Variants in PMPCB observed in about 807,000 individuals in gnomAD.
The protein encoded by PMPCB is mitochondrial-processing peptidase subunit beta.
In PMPCB, 46 loss-of-function variants were observed where a neutral mutation model predicts 61.5. The observed-to-expected ratio is 0.75, with a 90% CI of 0.59 to 0.96. The LOEUF (loss-of-function observed/expected upper bound fraction) is 0.96. Among genes scored for constraint, PMPCB ranks in the 40% least tolerant of loss-of-function variants. The probability of loss-of-function intolerance (pLI) is 0.00; values close to 1 mark genes in which losing one functional copy is unlikely to be tolerated. For synonymous variants in PMPCB, 191 were observed against 201.6 expected (o/e 0.95, Z 0.44); for missense variants, 590 against 602.4 (o/e 0.98, Z 0.22).
At chr7:103,304,370 T>C (rs970401781) in intron 5 of PMPCB, 41 bp from the exon 6 acceptor site, 4 of 1,142,842 alleles carry the variant, frequency 3.5e-6, no homozygotes, top group Non-Finnish European at 5.3e-6. Context: ...GATCTGTTTT[T>C]TTTTTGGTTT....
At chr7:103,343,707 CTTATT>C in the PMPCB span, among the ~76,000 whole-genome samples, 1 of 152,182 alleles carries the variant, frequency 6.6e-6, no homozygotes, top group South Asian at 2.1e-4. Flanking sequence ...CCCTGAACAA[CTTATT>C]TTAAGATTTC....
chr7:103,324,518 G>C, intron 12 of PMPCB: 1 of 1,495,620 alleles, frequency 6.7e-7, no homozygotes, highest in Non-Finnish European at 9.0e-7. Flanking sequence ...TTCAAATGAT[G>C]AATTCATATC....
At chr7:103,315,600 G>A (rs1335981189), downstream of PMPCB, among the ~76,000 whole-genome samples, 1 of 152,044 alleles carries the variant, frequency 6.6e-6, no homozygotes, top group Non-Finnish European at 1.5e-5. Context: ...CATTTTTAAT[G>A]GTTAGGTGAA....
chr7:103,311,391 A>G, intron 9 of PMPCB: 1 of 516,202 alleles, frequency 1.9e-6, no homozygotes, highest in Non-Finnish European at 3.4e-6. Context: ...CAAGATGCTT[A>G]TAGCATTTCT....
chr7:103,340,089 C>T, the PMPCB span, among the ~76,000 whole-genome samples: 1 of 152,242 alleles, frequency 6.6e-6, no homozygotes, highest in Non-Finnish European at 1.5e-5. Flanking sequence ...CTGCCCGCCT[C>T]AGCCTCCCAA....
At chr7:103,304,767 CCTGA>C (rs945574387) in intron 6 of PMPCB, among the ~76,000 whole-genome samples, 7 of 152,034 alleles carry the variant, frequency 4.6e-5, no homozygotes, top group East Asian at 1.9e-4. Context: ...TCAAGACCAG[CCTGA>C]CTAATATGGT....
chr7:103,311,462 T>C (rs1817749084), intron 9 of PMPCB, 181 bp from the exon 10 acceptor site: 1 of 597,020 alleles, frequency 1.7e-6, no homozygotes. Flanking sequence ...TTAGGCATGT[T>C]TATGTATCAT....
the PMPCB span, chr7:103,344,637 T>C: frequency 1.2e-6 from 2 of 1,607,060 alleles, no homozygotes; most frequent in African/African-American, 2.7e-5. Flanking sequence ...GCGCCGGGTC[T>C]AGCCCGGTGG....
chr7:103,320,746 A>AATATATATATATATACACATATATATAT (rs760613846), intron 12 of PMPCB: 2 of 118,304 alleles, frequency 1.7e-5, no homozygotes, highest in Non-Finnish European at 3.4e-5. Flanking sequence ...TCTGTCACAA[A>AATATATATATATATACACATATATATAT]ATATATATAT....
the PMPCB span, among the ~76,000 whole-genome samples, chr7:103,347,027 C>G: frequency 1.3e-5 from 2 of 152,152 alleles, no homozygotes; most frequent in African/African-American, 4.8e-5. Context: ...AATCGAATTG[C>G]TAGGTGGCAT....
chr7:103,298,802 C>T (rs144298152), intron 2 of PMPCB, 94 bp downstream of exon 2: 1 of 1,178,216 alleles, frequency 8.5e-7, no homozygotes, highest in Non-Finnish European at 1.2e-6. Context: ...GCTGGTGGTT[C>T]AAAAAGGGTG....
Position 103,307,612 on chromosome 7 carries a change from A to G in PMPCB, c.753A>G (p.Glu251=), listed in dbSNP as rs965864295. ...TCAATTTAGGTGTTTCCCATGATGA[A>G]TTGCTTGACTTAGCAAAGTTTCATT... The part of the protein sequence containing the change: ...LAAAGGVSHD[E]LLDLAKFHFG... The change falls in exon 7 of 13, where the codon GAA becomes GAG. Residue 251 remains glutamate (E), a synonymous_variant. Coordinates refer to ENST00000249269, the MANE Select transcript of PMPCB (RefSeq NM_004279.3). 9 of 1,608,434 alleles carry G rather than the reference A, an allele frequency of 5.6e-6. No homozygotes were observed. The East Asian group carries it at 2.0e-4, about 36-fold the overall frequency.
Position 103,311,652 on chromosome 7 carries a change from CTG to C in PMPCB, c.1166_1167del (p.Cys389TyrfsTer7), listed in dbSNP as rs781404050. On this transcript the variant is annotated frameshift_variant, in exon 10 of 13. Transcript: ENST00000249269. LOFTEE classifies it high-confidence loss of function. ...HVVQKEWMRLCTSVTESEVAR... is the reference protein window; with the variant it reads ...HVVQKEWMRLXTSVTESEVAR... ...TTTCCACGTTTTTTAGGATGCGACT[CTG>C]TACAAGTGTCACAGAAAGTGAGGTT... The C allele has an allele frequency of 6.2e-6, 10 of 1,613,314 alleles. No individual in the cohort carries two copies. The highest frequency in any genetic ancestry group is 8.5e-6 in the Non-Finnish European group (10 of 1,179,618).
downstream of PMPCB, among the ~76,000 whole-genome samples, chr7:103,315,374 G>A (rs1817991864): frequency 6.6e-6 from 1 of 152,018 alleles, no homozygotes; most frequent in Admixed American, 6.6e-5. Flanking sequence ...CAGACATGAT[G>A]CCTCTTTATT....
downstream of PMPCB, chr7:103,316,811 G>T: frequency 6.2e-7 from 1 of 1,605,496 alleles, no homozygotes. Flanking sequence ...TTGAAGAAAA[G>T]TTTCATTAAA....
intron 12 of PMPCB, chr7:103,326,716 A>G (rs991903372): frequency 1.9e-6 from 3 of 1,570,168 alleles, no homozygotes; most frequent in Non-Finnish European, 2.6e-6. Flanking sequence ...TCACATCACC[A>G]TAACTTTACC....
At chr7:103,299,331 A>G in intron 2 of PMPCB, 112 bp from the exon 3 acceptor site, 1 of 641,452 alleles carries the variant, frequency 1.6e-6, no homozygotes, top group Non-Finnish European at 2.7e-6. Context: ...CAGGTCAAGA[A>G]AATCTTAGTG....
At chr7:103,297,746 G>A in intron 1 of PMPCB, 188 bp downstream of exon 1, 1 of 1,534,040 alleles carries the variant, frequency 6.5e-7, no homozygotes, top group Non-Finnish European at 8.7e-7. Flanking sequence ...CCACCCGCCA[G>A]GAGACCTGCT....
At chr7:103,316,397 A>G (rs1002134085), downstream of PMPCB, 6 of 230,472 alleles carry the variant, frequency 2.6e-5, no homozygotes, top group East Asian at 3.8e-4. Flanking sequence ...CAGAAGATCA[A>G]TCATTCTGAA....
Sources: gnomAD v4.1 joint callset for allele counts (sites outside exome capture counted in the v4.1 genomes callset) on GRCh38, gnomAD v4.1.1 for gene constraint, MANE v1.5 for transcripts, NCBI Gene and HGNC (gene_info 2026-07-23, HGNC 2026-07-21) for gene names.